BABAM2: variants seen among roughly 807,000 people sequenced by gnomAD.
The protein encoded by BABAM2 is BRISC and BRCA1-A complex member 2.
BABAM2 carries 31 observed loss-of-function variants against 54.7 expected under a neutral mutation model. The ratio of observed to expected loss-of-function variants is 0.57; its 90% CI spans 0.43 to 0.77. BABAM2 has a LOEUF of 0.77. Among genes scored for constraint, BABAM2 ranks in the 30% least tolerant of loss-of-function variants. BABAM2 has a pLI of 0.00. For missense variants in BABAM2, 364 were observed against 455.8 expected, an observed-to-expected ratio of 0.80 and a Z score of 1.83; for synonymous variants, 167 against 162.9, an observed-to-expected ratio of 1.03 and a Z score of -0.19.
At chr2:28,112,777 C>T (rs1296450478) in intron 6 of BABAM2, among the ~76,000 whole-genome samples, 2 of 152,132 alleles carry the variant, frequency 1.3e-5, no homozygotes, top group African/African-American at 2.4e-5. Context: ...CTTGAGGAAT[C>T]GCCACACTGT....
intron 7 of BABAM2, among the ~76,000 whole-genome samples, chr2:28,190,406 G>A (rs1341940065): frequency 6.6e-6 from 1 of 152,164 alleles, no homozygotes; most frequent in East Asian, 1.9e-4. Context: ...AGGGCTCTAG[G>A]CCAGGTACAG....
At position 28,315,030 on chromosome 2, in the gene BABAM2, GAGAGAAGA is replaced by G. The variant is rs1468126423; in HGVS notation, c.1088+16541_1088+16548del. Among the ~76,000 whole-genome samples the G allele has an allele frequency of 5.2e-3, 675 of 130,278 alleles. 7 individuals carry two copies. The highest frequency in any genetic ancestry group is 0.018 in the African/African-American group (634 of 35,426). 85.5% of individuals were successfully genotyped at this position (130,278 alleles called of 152,430 possible). On this transcript the variant is annotated intron_variant, in intron 11 of 11. Coordinates refer to ENST00000379624, the MANE Select transcript of BABAM2 (RefSeq NM_199191.3). ...AAGAAAGGAAAGAGAGAAGGAGAGA[GAGAGAAGA>G]AAGAAAGGGAAGGGGAGGGGAGGGG...
chr2:27,899,054 A>G (rs1241369305), intron 2 of BABAM2, among the ~76,000 whole-genome samples: 3 of 152,050 alleles, frequency 2.0e-5, no homozygotes, highest in Non-Finnish European at 4.4e-5. Flanking sequence ...ACTTGAGCCC[A>G]GGAGTTTGAG....
rs536756394 is a variant in BABAM2, at chr2:28,194,636, C to T, written c.681-42566C>T. On this transcript the variant is annotated intron_variant, in intron 7 of 11. Transcript: ENST00000379624. ...CTTCACTTGTACCCAGGCTGGAGTA[C>T]GGTGGCACGATCTCGGCTCATTGCA... 8.1e-4 allele frequency among the ~76,000 whole-genome samples: 97 copies of T among 120,326 alleles called. 1 individual carries two copies. The highest frequency in any genetic ancestry group is 2.8e-3 in the African/African-American group (85 of 30,762). 78.9% of individuals were successfully genotyped at this position (120,326 alleles called of 152,430 possible).
chr2:28,159,015 G>T (rs1161282064), intron 7 of BABAM2, among the ~76,000 whole-genome samples: 1 of 152,130 alleles, frequency 6.6e-6, no homozygotes, highest in Admixed American at 6.5e-5. Context: ...TCATCAACAA[G>T]TTCTCTTTTC....
intron 5 of BABAM2, among the ~76,000 whole-genome samples, chr2:28,030,661 G>A (rs905008735): frequency 1.4e-4 from 22 of 152,180 alleles, no homozygotes; most frequent in Non-Finnish European, 1.5e-5. Flanking sequence ...ACTGGACCCT[G>A]GCAGAAAGAA....
At chr2:28,306,792 G>C (rs1688566612) in intron 11 of BABAM2, among the ~76,000 whole-genome samples, 1 of 151,744 alleles carries the variant, frequency 6.6e-6, no homozygotes, top group Non-Finnish European at 1.5e-5. Context: ...CACCTCCTGG[G>C]TTCAAGCAAT....
intron 7 of BABAM2, among the ~76,000 whole-genome samples, chr2:28,199,749 G>A (rs1179871614): frequency 6.6e-6 from 1 of 152,086 alleles, no homozygotes; most frequent in African/African-American, 2.4e-5. Context: ...GCAGCGGTGG[G>A]CAGCAGTGGA....
intron 4 of BABAM2, among the ~76,000 whole-genome samples, chr2:27,994,576 C>G (rs560726304): frequency 6.6e-6 from 1 of 152,180 alleles, no homozygotes; most frequent in South Asian, 2.1e-4. Context: ...AAACTATGTG[C>G]TTGTCTTCTT....
At chr2:27,893,465 A>G (rs1665025031) in intron 1 of BABAM2, among the ~76,000 whole-genome samples, 1 of 152,156 alleles carries the variant, frequency 6.6e-6, no homozygotes, top group Non-Finnish European at 1.5e-5. Context: ...ATCTTGTTAT[A>G]TCTATTCCCC....
chr2:27,986,862 G>A (rs1442092906), intron 3 of BABAM2, among the ~76,000 whole-genome samples: 1 of 152,110 alleles, frequency 6.6e-6, no homozygotes, highest in East Asian at 1.9e-4. Context: ...GTGTTAGATT[G>A]TCGATAAACT....
intron 10 of BABAM2, among the ~76,000 whole-genome samples, chr2:28,282,539 G>A (rs774663368): frequency 1.3e-5 from 2 of 152,278 alleles, no homozygotes; most frequent in Non-Finnish European, 2.9e-5. Flanking sequence ...ACAGCAGGCA[G>A]GGTCGAATCC....
chr2:28,129,491 TTG>T, intron 7 of BABAM2, 111 bp downstream of exon 7: 1 of 1,009,012 alleles, frequency 9.9e-7, no homozygotes, highest in Non-Finnish European at 1.5e-6. Flanking sequence ...TCATTGACTT[TTG>T]TTTTCTTAAA....
chr2:27,992,117 CT>C (rs1407894144), intron 4 of BABAM2, among the ~76,000 whole-genome samples: 5 of 152,036 alleles, frequency 3.3e-5, no homozygotes, highest in African/African-American at 1.2e-4. Flanking sequence ...TTGATTTGTG[CT>C]TTTTTTGATG....
chr2:27,933,592 C>T (rs575314178), intron 3 of BABAM2, among the ~76,000 whole-genome samples: 6 of 151,870 alleles, frequency 4.0e-5, no homozygotes, highest in Non-Finnish European at 7.4e-5. Flanking sequence ...CCTCAGCCTC[C>T]GGAGTAGTTG....
rs1209298430 is a variant in BABAM2, at chr2:28,200,386, A to G, written c.681-36816A>G. Among the ~76,000 whole-genome samples the G allele has an allele frequency of 2.0e-5, 3 of 152,262 alleles. No homozygotes were observed. The East Asian group carries it at 5.8e-4, about 29-fold the overall frequency. ...AATTTGTTAGAGAAGTGAATGAAAT[A>G]TAATGTCATCTATAAATATTAGCTC... On this transcript the variant is annotated intron_variant, in intron 7 of 11. Coordinates refer to ENST00000379624, the MANE Select transcript of BABAM2 (RefSeq NM_199191.3).
chr2:27,951,402 G>T (rs896225424), intron 3 of BABAM2, among the ~76,000 whole-genome samples: 1 of 151,938 alleles, frequency 6.6e-6, no homozygotes. Context: ...GAGTTATTTA[G>T]AAATATGTTA....
intron 2 of BABAM2, among the ~76,000 whole-genome samples, chr2:27,913,633 G>T (rs1666763666): frequency 6.6e-6 from 1 of 152,010 alleles, no homozygotes; most frequent in Admixed American, 6.6e-5. Context: ...TGGGTAAGGA[G>T]AGAATTTACA....
intron 6 of BABAM2, among the ~76,000 whole-genome samples, chr2:28,093,198 C>T (rs1004288870): frequency 4.6e-5 from 7 of 152,042 alleles, no homozygotes; most frequent in African/African-American, 1.7e-4. Context: ...TATGCTCATC[C>T]CAACAATTCC....
Sources: gnomAD v4.1 joint callset for allele counts (sites outside exome capture counted in the v4.1 genomes callset) on GRCh38, gnomAD v4.1.1 for gene constraint, MANE v1.5 for transcripts, NCBI Gene and HGNC (gene_info 2026-07-23, HGNC 2026-07-21) for gene names.